The following C1orf21 variants were observed in gnomAD, a reference collection of about 807,000 sequenced individuals.
C1orf21 encodes uncharacterized protein C1orf21.
Under a neutral mutation model 18.7 loss-of-function variants are expected in C1orf21, and 3 were observed. That is an observed-to-expected ratio of 0.16 (90% CI 0.07 to 0.42). C1orf21 has a LOEUF of 0.42. Ranked by LOEUF, C1orf21 falls within the 10% of genes least tolerant of loss-of-function variation. C1orf21 has a pLI of 0.99. For synonymous variants in C1orf21, 41 were observed against 46.4 expected (o/e 0.88, Z 0.47); for missense variants, 104 against 143.6 (o/e 0.72, Z 1.41).
At chr1:184,542,388 G>T (rs1658667577) in intron 3 of C1orf21, among the ~76,000 whole-genome samples, 2 of 152,176 alleles carry the variant, frequency 1.3e-5, no homozygotes, top group Non-Finnish European at 2.9e-5. Flanking sequence ...AAAGAATGGA[G>T]CTAGATTCAA....
chr1:184,475,696 T>C (rs890604015), intron 1 of C1orf21, among the ~76,000 whole-genome samples: 1 of 150,980 alleles, frequency 6.6e-6, no homozygotes, highest in Non-Finnish European at 1.5e-5. Context: ...ATAGAAATAC[T>C]GTAGCCTTGA....
rs918430691 is a variant in C1orf21, at chr1:184,627,284, A to G, written c.*7728A>G. The G allele has an allele frequency of 3.3e-5, 5 of 152,134 alleles. No homozygotes were observed. The highest frequency in any genetic ancestry group is 1.2e-4 in the African/African-American group (5 of 41,428). 9.4% of individuals were successfully genotyped at this position (152,134 alleles called of 1,614,324 possible). A position where few individuals can be genotyped will look rare whatever the true frequency, so the allele number is the denominator to read the frequency against. Reference sequence around the variant, plus strand: ...TCCAAATAACCTCGGAGTTCAGAGCATTGGGTTTTTTTCTCCCCTCCCCAC... The same window carrying G: ...TCCAAATAACCTCGGAGTTCAGAGCGTTGGGTTTTTTTCTCCCCTCCCCAC... On this transcript the variant is annotated 3_prime_UTR_variant, in exon 6 of 6. Coordinates refer to ENST00000235307, the MANE Select transcript of C1orf21 (RefSeq NM_030806.4).
chr1:184,460,713 C>CTTTT (rs11393803), intron 1 of C1orf21, among the ~76,000 whole-genome samples: 2,201 of 90,678 alleles, frequency 0.024, 219 homozygotes, highest in African/African-American at 0.089. Context: ...TCTCTTCTTC[C>CTTTT]TTTTTTTTTT....
intron 1 of C1orf21, among the ~76,000 whole-genome samples, chr1:184,434,460 G>A (rs1656826631): frequency 6.6e-6 from 1 of 152,214 alleles, no homozygotes; most frequent in Admixed American, 6.5e-5. Context: ...GGGGATAATA[G>A]CATTCGACGA....
intron 1 of C1orf21, among the ~76,000 whole-genome samples, chr1:184,417,622 A>C (rs996908108): frequency 1.3e-5 from 2 of 152,222 alleles, no homozygotes; most frequent in South Asian, 4.1e-4. Flanking sequence ...TTTAAACTCA[A>C]AATATAGAAC....
chr1:184,512,025 C>G (rs1658156953), intron 3 of C1orf21, among the ~76,000 whole-genome samples: 1 of 152,158 alleles, frequency 6.6e-6, no homozygotes, highest in Non-Finnish European at 1.5e-5. Context: ...GTAAATGGGG[C>G]AGCCAAAAGG....
At chr1:184,602,479 C>T (rs1659598382) in intron 5 of C1orf21, among the ~76,000 whole-genome samples, 1 of 152,324 alleles carries the variant, frequency 6.6e-6, no homozygotes, top group East Asian at 1.9e-4. Flanking sequence ...CGTTATTCCA[C>T]TGGAATCTAT....
At chr1:184,434,066 T>C (rs1409502008) in intron 1 of C1orf21, among the ~76,000 whole-genome samples, 1 of 152,142 alleles carries the variant, frequency 6.6e-6, no homozygotes. Context: ...CCCTGTGTAC[T>C]GTAATTATTT....
chr1:184,617,892 T>TTTGTTG (rs369232122), intron 5 of C1orf21, among the ~76,000 whole-genome samples: 1 of 144,192 alleles, frequency 6.9e-6, no homozygotes, highest in African/African-American at 2.6e-5. Context: ...TGTGTGGCAG[T>TTTGTTG]TTGTTGTTGT....
At chr1:184,499,854 G>C (rs1182314031) in intron 2 of C1orf21, among the ~76,000 whole-genome samples, 2 of 152,134 alleles carry the variant, frequency 1.3e-5, no homozygotes, top group African/African-American at 4.8e-5. Flanking sequence ...CAGGGGAGAG[G>C]ATAGCTGACT....
At chr1:184,555,524 C>T (rs1374862671) in intron 3 of C1orf21, among the ~76,000 whole-genome samples, 1 of 140,964 alleles carries the variant, frequency 7.1e-6, no homozygotes, top group African/African-American at 2.7e-5. Context: ...AGCACACACA[C>T]CCCCACACAC....
chr1:184,579,091 G>A (rs1659236392), intron 3 of C1orf21, among the ~76,000 whole-genome samples: 1 of 150,770 alleles, frequency 6.6e-6, no homozygotes, highest in Admixed American at 6.6e-5. Flanking sequence ...AGACAGGAGT[G>A]CAGTGGCTCC....
At chr1:184,478,201 G>A (rs545675356) in intron 2 of C1orf21, among the ~76,000 whole-genome samples, 1 of 152,120 alleles carries the variant, frequency 6.6e-6, no homozygotes, top group South Asian at 2.1e-4. Context: ...GAGTGAGTGA[G>A]GATTTATAAA....
In C1orf21 at chr1:184,608,565, G is replaced by A. The variant is rs534854177; in HGVS notation, c.327+10104G>A. ...CCTCTATTAATTGCTGTTCTTATTG[G>A]CCAATTAGCCAAATGTGTGACAACC... On this transcript the variant is annotated intron_variant, in intron 5 of 5. Transcript: ENST00000235307. Among the ~76,000 whole-genome samples the A allele has an allele frequency of 1.8e-4, 28 of 152,310 alleles. 1 individual carries two copies. In the Middle Eastern group the frequency reaches 0.024, roughly 130 times the overall value.
rs1040280069 is a variant in C1orf21, at chr1:184,491,716, A to G, written c.94+14113A>G. On this transcript the variant is annotated intron_variant, in intron 2 of 5. Transcript: ENST00000235307. The stretch of plus-strand genomic sequence containing the variant: ...ATAGCAAAGTTCTGGGCCACAGGCT[A>G]TGAATCATCAATGACAGTGACCTTC... 6.6e-4 allele frequency among the ~76,000 whole-genome samples: 101 copies of G among 152,314 alleles called. 1 individual carries two copies. Among genetic ancestry groups the G allele is most frequent in the African/African-American group, 2.4e-3 (101 of 41,566 alleles).
chr1:184,448,286 G>A (rs1345788756), intron 1 of C1orf21, among the ~76,000 whole-genome samples: 1 of 152,140 alleles, frequency 6.6e-6, no homozygotes, highest in East Asian at 1.9e-4. Context: ...GTTTTTCCAT[G>A]TTGGCCAGGC....
intron 1 of C1orf21, among the ~76,000 whole-genome samples, chr1:184,452,722 C>T (rs1455576112): frequency 1.3e-5 from 2 of 152,162 alleles, no homozygotes; most frequent in Non-Finnish European, 2.9e-5. Flanking sequence ...CGTGGTATTA[C>T]ACAAAATTGT....
intron 5 of C1orf21, among the ~76,000 whole-genome samples, chr1:184,607,949 G>A (rs1269477624): frequency 6.6e-6 from 1 of 151,978 alleles, no homozygotes; most frequent in African/African-American, 2.4e-5. Context: ...TTTACAAATG[G>A]CATGTGTTTT....
chr1:184,434,112 G>A (rs1656817261), intron 1 of C1orf21, among the ~76,000 whole-genome samples: 1 of 152,214 alleles, frequency 6.6e-6, no homozygotes, highest in Non-Finnish European at 1.5e-5. Flanking sequence ...TAGACCATGA[G>A]CACTTTCATG....
Sources: gnomAD v4.1 joint callset for allele counts (sites outside exome capture counted in the v4.1 genomes callset) on GRCh38, gnomAD v4.1.1 for gene constraint, MANE v1.5 for transcripts, NCBI Gene and HGNC (gene_info 2026-07-23, HGNC 2026-07-21) for gene names.